The following SEMA6B variants were observed in gnomAD, a reference collection of about 807,000 sequenced individuals.
SEMA6B encodes semaphorin-6B.
Under a neutral mutation model 78.6 loss-of-function variants are expected in SEMA6B, and 47 were observed. The ratio of observed to expected loss-of-function variants is 0.60; its 90% CI spans 0.47 to 0.76. SEMA6B has a LOEUF of 0.76. SEMA6B is among the 30% of genes least tolerant of loss of function. The pLI is 0.00. For missense variants in SEMA6B, 1,213 were observed against 1,269.9 expected (o/e 0.96, Z 0.68); for synonymous variants, 632 against 592.2 (o/e 1.07, Z -0.98).
rs774332592 is a variant in SEMA6B, at chr19:4,548,073, C to T, written c.1555G>A (p.Val519Ile). Residue 519 changes from valine to isoleucine, a missense_variant, in exon 14 of 17, where the codon GTC becomes ATC. Val to Ile is a conservative substitution (Grantham distance 29, BLOSUM62 3). Transcript: ENST00000586582. Reference protein sequence around the residue: ...GLLAAFPRCVVRVPVARCQQY... With the variant: ...GLLAAFPRCVIRVPVARCQQY... ...TGGCAGCGAGCCACAGGCACTCGGA[C>T]CACGCAGCGGGGGAAGGCAGCCAGC... 11 of 1,589,492 alleles carry T rather than the reference C, an allele frequency of 6.9e-6. No homozygotes were observed. The Admixed American group carries it at 1.5e-4, about 22-fold the overall frequency.
In SEMA6B at chr19:4,555,151, C is replaced by G; in HGVS notation, c.563-56G>C. 6.3e-7 allele frequency: 1 copy of G among 1,594,910 alleles called. No homozygotes were observed. Among genetic ancestry groups the G allele is most frequent in the Non-Finnish European group, 8.6e-7 (1 of 1,167,992 alleles). ...GAGATGAGACCGCAGAGGCCAGGGG[C>G]TGGGTGGGTCGAAACTCGATTTTCT... is the stretch of plus-strand genomic sequence containing the variant. On this transcript the variant is annotated intron_variant, in intron 7 of 16. Transcript: ENST00000586582. This position sits in a 1 kb window ranked among gnomAD's most constrained non-coding sequence, Gnocchi z 6.1.
At position 4,550,112 on chromosome 19, in the gene SEMA6B, C is replaced by T. The variant is rs1224128898; in HGVS notation, c.1271+11G>A. ...TCTCCCCTCGCCATGCCCTGCCTCT[C>T]CAGGACCGACCTCATCAGGGTCCGC... On this transcript the variant is annotated intron_variant, in intron 12 of 16. Transcript: ENST00000586582. This position sits in a 1 kb window ranked among gnomAD's most constrained non-coding sequence, Gnocchi z 6.6. 2 of 1,613,414 alleles carry T rather than the reference C, an allele frequency of 1.2e-6. No individual in the cohort carries two copies. The highest frequency in any genetic ancestry group is 1.3e-5 in the African/African-American group (1 of 75,054).
intron 8 of SEMA6B, 83 bp from the exon 9 acceptor site, chr19:4,554,559 T>C: frequency 9.3e-7 from 1 of 1,072,652 alleles, no homozygotes; most frequent in South Asian, 1.3e-5. Flanking sequence ...GCTTTTATGG[T>C]GAAGGGGGGA....
intron 12 of SEMA6B, among the ~76,000 whole-genome samples, chr19:4,548,656 C>T (rs985386220): frequency 6.6e-6 from 1 of 152,244 alleles, no homozygotes; most frequent in Non-Finnish European, 1.5e-5. Context: ...AACCCCAAAC[C>T]AGGCTCTCCT....
intron 14 of SEMA6B, 122 bp from the exon 15 acceptor site, chr19:4,546,591 A>AATTG: frequency 2.1e-6 from 1 of 474,456 alleles, no homozygotes; most frequent in Non-Finnish European, 3.6e-6. Flanking sequence ...TTAATTAATT[A>AATTG]ATTTTTGAGA....
At position 4,552,666 on chromosome 19, in the gene SEMA6B, G is replaced by C; in HGVS notation, c.772-27C>G. 6.4e-7 allele frequency: 1 copy of C among 1,566,956 alleles called. No individual in the cohort carries two copies. Among genetic ancestry groups the C allele is most frequent in the Non-Finnish European group, 8.7e-7 (1 of 1,152,228 alleles). On this transcript the variant is annotated intron_variant, in intron 9 of 16. Coordinates refer to ENST00000586582, the MANE Select transcript of SEMA6B (RefSeq NM_032108.4). This position sits in a 1 kb window ranked among gnomAD's most constrained non-coding sequence, Gnocchi z 7.4. ...TGGGCGTGACAGTGGACGGACGGGGGCCTGAGCTCTGTGTCCCAGGAAGGC... is the reference window on the plus strand; with the variant it reads ...TGGGCGTGACAGTGGACGGACGGGGCCCTGAGCTCTGTGTCCCAGGAAGGC...
rs1422367453 is a variant in SEMA6B, at chr19:4,555,925, C to T, written c.471+63G>A. ...CGGCCTGGGGAAAAGCCATGGCCAG[C>T]GGAGGTCGGGCGAGCAGAGGCCTGG... On this transcript the variant is annotated intron_variant, in intron 6 of 16. Transcript: ENST00000586582. This position sits in a 1 kb window ranked among gnomAD's most constrained non-coding sequence, Gnocchi z 6.1. 2.7e-5 allele frequency: 35 copies of T among 1,305,486 alleles called. No homozygotes were observed. The highest frequency in any genetic ancestry group is 3.4e-5 in the Non-Finnish European group (31 of 899,850). The allele number at this position is 1,305,486 out of a possible 1,614,324, so 80.9% of individuals were successfully genotyped here.
rs1398455184 is a variant in SEMA6B at position 4,543,152 on chromosome 19, G to T, written c.*449C>A. ...CGCACACGCACGCACACCCACACACGCCAGGGGCCTGGGTTGGGGAGGGAC... is the reference window on the plus strand; with the variant it reads ...CGCACACGCACGCACACCCACACACTCCAGGGGCCTGGGTTGGGGAGGGAC... On this transcript the variant is annotated 3_prime_UTR_variant, in exon 17 of 17. Transcript: ENST00000586582. The T allele has an allele frequency of 6.6e-6, 4 of 606,712 alleles. No individual in the cohort carries two copies. The Admixed American group carries it at 8.4e-5, about 13-fold the overall frequency. The allele number at this position is 606,712 out of a possible 1,614,324, so 37.6% of individuals were successfully genotyped here.
At chr19:4,556,900 T>C (rs1434977429) in intron 5 of SEMA6B, 51 bp downstream of exon 5, 1 of 1,526,112 alleles carries the variant, frequency 6.6e-7, no homozygotes, top group South Asian at 1.2e-5. Context: ...GGGGCATGGG[T>C]AATGCCAGGG....
In SEMA6B at chr19:4,550,779, A is replaced by G; in HGVS notation, c.1121+20T>C. 1 of 1,612,468 alleles carries G rather than the reference A, an allele frequency of 6.2e-7. No homozygotes were observed. Among genetic ancestry groups the G allele is most frequent in the South Asian group, 1.1e-5 (1 of 90,994 alleles). On this transcript the variant is annotated intron_variant, in intron 11 of 16. Coordinates refer to ENST00000586582, the MANE Select transcript of SEMA6B (RefSeq NM_032108.4). This position sits in a 1 kb window ranked among gnomAD's most constrained non-coding sequence, Gnocchi z 6.6. ...AGGACCTCATCCGGGCATGTGACTC[A>G]GGATGGAGGGGGTTCTCACCGGGGT...
rs142686737 is a variant in SEMA6B at position 4,550,823 on chromosome 19, G to A, written c.1097C>T (p.Pro366Leu). Residue 366 changes from proline (P) to leucine (L), a missense_variant, in exon 11 of 17, where the codon CCG becomes CTG. Coordinates refer to ENST00000586582, the MANE Select transcript of SEMA6B (RefSeq NM_032108.4). The surrounding 1 kb of genome is among the most constrained non-coding windows in gnomAD (Gnocchi z 6.6). Reference protein sequence around the residue: ...KSPESIWTPVPEDQVPRPRPG... With the variant: ...KSPESIWTPVLEDQVPRPRPG... ...CCGGGGTCGAGGCACCTGATCCTCCGGCACCGGCGTCCAGATGGACTCGGG... is the reference window on the plus strand; with the variant it reads ...CCGGGGTCGAGGCACCTGATCCTCCAGCACCGGCGTCCAGATGGACTCGGG... 1.8e-5 allele frequency: 29 copies of A among 1,613,484 alleles called. No individual in the cohort carries two copies. The highest frequency in any genetic ancestry group is 6.7e-5 in the East Asian group (3 of 44,882).
rs1977162458 is a variant in SEMA6B, at chr19:4,546,252, A to C, written c.1702T>G (p.Ser568Ala). ...GTRAAFEQDVSGASTSGLGDC... is the reference protein window; with the variant it reads ...GTRAAFEQDVAGASTSGLGDC... Reference sequence around the variant, plus strand: ...CCTAAGCCTGAGGTGCTGGCCCCGGACACGTCCTGCTCAAAGGCGGCTCTA... The same window carrying C: ...CCTAAGCCTGAGGTGCTGGCCCCGGCCACGTCCTGCTCAAAGGCGGCTCTA... Residue 568 changes from serine (S) to alanine (A), a missense_variant, in exon 16 of 17, where the codon TCC becomes GCC. Ser to Ala is a moderately conservative substitution (Grantham distance 99). Coordinates refer to ENST00000586582, the MANE Select transcript of SEMA6B (RefSeq NM_032108.4). 1.9e-6 allele frequency: 3 copies of C among 1,613,064 alleles called. No individual in the cohort carries two copies. The highest frequency in any genetic ancestry group is 2.5e-6 in the Non-Finnish European group (3 of 1,179,920).
chr19:4,556,879 C>A lies in SEMA6B; in HGVS notation c.369+72G>T. 5 of 1,417,556 alleles carry A rather than the reference C, an allele frequency of 3.5e-6. No individual in the cohort carries two copies. The East Asian group carries it at 9.7e-5, about 27-fold the overall frequency. The allele number at this position is 1,417,556 out of a possible 1,614,324, so 87.8% of individuals were successfully genotyped here. On this transcript the variant is annotated intron_variant, in intron 5 of 16. Coordinates refer to ENST00000586582, the MANE Select transcript of SEMA6B (RefSeq NM_032108.4). ...GCTGGCGGGGTGGGCGTGGCCTGGT[C>A]TGATTGGGGCGGGGCATGGGTAATG...
At chr19:4,556,397 T>G (rs944159422) in intron 5 of SEMA6B, among the ~76,000 whole-genome samples, 6 of 150,694 alleles carry the variant, frequency 4.0e-5, no homozygotes, top group African/African-American at 1.5e-4. Flanking sequence ...CCGATTGGGG[T>G]GGGGCATGGT....
chr19:4,557,509 C>G (rs1159721207), intron 3 of SEMA6B, among the ~76,000 whole-genome samples: 2 of 152,216 alleles, frequency 1.3e-5, no homozygotes, highest in Non-Finnish European at 2.9e-5. Flanking sequence ...CCACCAGGCT[C>G]TCTCCCCTCA....
At chr19:4,554,912 G>A in intron 8 of SEMA6B, 64 bp downstream of exon 8, 1 of 1,570,782 alleles carries the variant, frequency 6.4e-7, no homozygotes, top group Non-Finnish European at 8.7e-7. Context: ...CTGGTGGGGA[G>A]ATTTGATGAA....
intron 16 of SEMA6B, chr19:4,545,990 C>T: frequency 2.3e-6 from 1 of 430,628 alleles, no homozygotes; most frequent in South Asian, 3.1e-5. Context: ...CCAGGATGGT[C>T]TAGATCTCCT....
In SEMA6B at chr19:4,558,398, C is replaced by T; in HGVS notation, c.60G>A (p.Leu20=). 7.9e-7 allele frequency: 1 copy of T among 1,273,384 alleles called. No homozygotes were observed. The highest frequency in any genetic ancestry group is 1.0e-6 in the Non-Finnish European group (1 of 1,001,900). The allele number at this position is 1,273,384 out of a possible 1,614,324, so 78.9% of individuals were successfully genotyped here. ...CAGGAAAGAGGCCGTGGGCGCCCCC[C>T]AGTAGCAGCAGCAGAAGCAGCAGGG... is the stretch of plus-strand genomic sequence containing the variant. The part of the protein sequence containing the change: ...RPALLLLLLL[L]GGAHGLFPEE... The change falls in exon 2 of 17, where the codon CTG becomes CTA. Residue 20 remains leucine, a synonymous_variant. Transcript: ENST00000586582. This position sits in a 1 kb window ranked among gnomAD's most constrained non-coding sequence, Gnocchi z 5.1.
intron 12 of SEMA6B, among the ~76,000 whole-genome samples, chr19:4,549,179 CTT>C (rs1002475085): frequency 1.3e-4 from 19 of 151,832 alleles, no homozygotes; most frequent in African/African-American, 3.6e-4. Context: ...CTCTTTCTCT[CTT>C]TGTCTCTCTT....
Sources: gnomAD v4.1 joint callset for allele counts (sites outside exome capture counted in the v4.1 genomes callset) on GRCh38, gnomAD v4.1.1 for gene constraint, Gnocchi (gnomAD v3.1) non-coding constraint, MANE v1.5 for transcripts, NCBI Gene and HGNC (gene_info 2026-07-23, HGNC 2026-07-21) for gene names.